Variants in COL5A1 observed in about 807,000 individuals in gnomAD.
COL5A1 encodes collagen type V alpha 1 chain.
In COL5A1, 16 loss-of-function variants were observed where a neutral mutation model predicts 263.7. The observed-to-expected ratio is 0.06, with a 90% CI of 0.04 to 0.09. The LOEUF (loss-of-function observed/expected upper bound fraction) is 0.09, where lower values mean the gene tolerates loss of function less well. Among genes scored for constraint, COL5A1 ranks in the 10% least tolerant of loss-of-function variants. COL5A1 has a pLI of 1.00. For synonymous variants in COL5A1, 1,012 were observed against 1,004.5 expected (o/e 1.01, Z -0.14); for missense variants, 2,036 against 2,540.5 (o/e 0.80, Z 4.27).
At chr9:134,708,651 C>G (rs371325625) in intron 4 of COL5A1, 1 of 518,630 alleles carries the variant, frequency 1.9e-6, no homozygotes, top group Non-Finnish European at 3.8e-6. Context: ...GGCAGAGGCC[C>G]CTTGTCGTGT....
chr9:134,670,956 G>A (rs1406228099), intron 1 of COL5A1, among the ~76,000 whole-genome samples: 3 of 152,204 alleles, frequency 2.0e-5, no homozygotes, highest in African/African-American at 4.8e-5. Flanking sequence ...CCACAAGGCC[G>A]GGAGGGAGCT....
chr9:134,760,500 GCA>G lies in COL5A1; in HGVS notation c.1936-1419_1936-1418del, dbSNP rs1232533716. 6.1e-3 allele frequency among the ~76,000 whole-genome samples: 375 copies of G among 61,400 alleles called. 6 individuals carry two copies. The highest frequency in any genetic ancestry group is 0.025 in the African/African-American group (361 of 14,712). 40.3% of individuals were successfully genotyped at this position (61,400 alleles called of 152,430 possible). ...ACACACATGCACACACACCACACAT[GCA>G]CACACGCATACACACCCACACACCC... is the stretch of plus-strand genomic sequence containing the variant. On this transcript the variant is annotated intron_variant, in intron 18 of 65. Coordinates refer to ENST00000371817, the MANE Select transcript of COL5A1 (RefSeq NM_000093.5).
Position 134,765,447 on chromosome 9 carries a change from C to T in COL5A1, c.2035-234C>T, listed in dbSNP as rs1836627145. ...CTGAGGGTGCCCTGTGGTGTCCTCTCTGAGTTCTCACCAATTCCAGACACC... is the reference window on the plus strand; with the variant it reads ...CTGAGGGTGCCCTGTGGTGTCCTCTTTGAGTTCTCACCAATTCCAGACACC... On this transcript the variant is annotated intron_variant, in intron 20 of 65. Transcript: ENST00000371817. This position sits in a 1 kb window ranked among gnomAD's most constrained non-coding sequence, Gnocchi z 5.1. Among the ~76,000 whole-genome samples, 1 of 152,112 alleles carries T rather than the reference C, an allele frequency of 6.6e-6. No individual in the cohort carries two copies. The highest frequency in any genetic ancestry group is 2.4e-5 in the African/African-American group (1 of 41,428).
rs1048841848 is a variant in COL5A1 at position 134,841,524 on chromosome 9, T to G, written c.5371-633T>G. Among the ~76,000 whole-genome samples, 1 of 152,130 alleles carries G rather than the reference T, an allele frequency of 6.6e-6. No individual in the cohort carries two copies. The highest frequency in any genetic ancestry group is 2.4e-5 in the African/African-American group (1 of 41,438). On this transcript the variant is annotated intron_variant, in intron 65 of 65. Coordinates refer to ENST00000371817, the MANE Select transcript of COL5A1 (RefSeq NM_000093.5). The surrounding 1 kb of genome is among the most constrained non-coding windows in gnomAD (Gnocchi z 4.8). ...CAGGCCAGGTTCATTGCACTACCCC[T>G]GCCCTCTGTGCCTCAGTTTACCTAA...
intron 34 of COL5A1, among the ~76,000 whole-genome samples, chr9:134,795,861 G>A (rs189003147): frequency 4.2e-4 from 64 of 152,302 alleles, no homozygotes; most frequent in Admixed American, 2.5e-3. Context: ...TTCCTGCTGG[G>A]ATGAGTCTTC....
At chr9:134,727,707 T>C (rs1206111602) in intron 5 of COL5A1, among the ~76,000 whole-genome samples, 1 of 152,198 alleles carries the variant, frequency 6.6e-6, no homozygotes, top group Non-Finnish European at 1.5e-5. Flanking sequence ...TGAGCACAGA[T>C]GCCACAGGTG....
intron 35 of COL5A1, 82 bp downstream of exon 35, chr9:134,796,500 T>G: frequency 6.9e-7 from 1 of 1,444,736 alleles, no homozygotes; most frequent in Non-Finnish European, 9.7e-7. Flanking sequence ...TGGGGTGGGC[T>G]GGGGCCAGGG....
intron 28 of COL5A1, 133 bp from the exon 29 acceptor site, chr9:134,782,534 C>A: frequency 1.2e-6 from 1 of 849,750 alleles, no homozygotes; most frequent in Non-Finnish European, 2.1e-6. Flanking sequence ...CAAGCCCACC[C>A]CGTCCGGGCC....
At chr9:134,713,678 G>T (rs1834148590) in intron 4 of COL5A1, among the ~76,000 whole-genome samples, 1 of 152,230 alleles carries the variant, frequency 6.6e-6, no homozygotes, top group South Asian at 2.1e-4. Flanking sequence ...AGGGGTTTGT[G>T]GGTGTCAAAC....
chr9:134,746,169 C>T (rs1357819765), intron 11 of COL5A1, among the ~76,000 whole-genome samples: 2 of 152,180 alleles, frequency 1.3e-5, no homozygotes, highest in Non-Finnish European at 2.9e-5. Context: ...AGGAGATGTC[C>T]AGCAGGAAGT....
chr9:134,712,245 CT>C (rs574601074), intron 4 of COL5A1, among the ~76,000 whole-genome samples: 88 of 30,852 alleles, frequency 2.9e-3, no homozygotes, highest in Admixed American at 0.011. Context: ...TATCCCCCTT[CT>C]TCCTTCCTCC....
At position 134,842,840 on chromosome 9, in the gene COL5A1, T is replaced by G. The variant is rs1830144936; in HGVS notation, c.*537T>G. On this transcript the variant is annotated 3_prime_UTR_variant, in exon 66 of 66. Transcript: ENST00000371817. This position sits in a 1 kb window ranked among gnomAD's most constrained non-coding sequence, Gnocchi z 5.8. ...GGCCAAATGTCATTCTGCAGGTGCC[T>G]TCCCGATGGATTAAAGGTGCTTATG... 5.9e-6 allele frequency: 1 copy of G among 170,450 alleles called. No individual in the cohort carries two copies. The highest frequency in any genetic ancestry group is 1.6e-4 in the South Asian group (1 of 6,442). The allele number at this position is 170,450 out of a possible 1,614,324, so 10.6% of individuals were successfully genotyped here.
At chr9:134,662,292 C>CCTGACT (rs1832233668) in intron 1 of COL5A1, among the ~76,000 whole-genome samples, 1 of 152,222 alleles carries the variant, frequency 6.6e-6, no homozygotes, top group Admixed American at 6.5e-5. Context: ...TTCCAGGCCG[C>CCTGACT]TCAGGGCAGC....
intron 49 of COL5A1, 37 bp from the exon 50 acceptor site, chr9:134,814,757 GGTT>G (rs1564477650): frequency 6.8e-7 from 1 of 1,480,720 alleles, no homozygotes; most frequent in Non-Finnish European, 9.2e-7. Flanking sequence ...GCGGCGACGT[GGTT>G]GGCTCTGAGG....
At position 134,700,082 on chromosome 9, in the gene COL5A1, G is replaced by C; in HGVS notation, c.451G>C (p.Asp151His). 1 of 1,611,206 alleles carries C rather than the reference G, an allele frequency of 6.2e-7. No individual in the cohort carries two copies. The part of the protein sequence containing the change: ...EDHTGKPGPE[D>H]YPLFRGINLS... ...CCACACGGGGAAGCCTGGCCCGGAA[G>C]ACTACCCCCTCTTCCGGGGCATCAA... Residue 151 changes from aspartate (D) to histidine (H), a missense_variant, in exon 3 of 66, where the codon GAC becomes CAC. Coordinates refer to ENST00000371817, the MANE Select transcript of COL5A1 (RefSeq NM_000093.5). This position sits in a 1 kb window ranked among gnomAD's most constrained non-coding sequence, Gnocchi z 4.0.
chr9:134,742,022 G>A lies in COL5A1; in HGVS notation c.1494+3214G>A, dbSNP rs373085422. On this transcript the variant is annotated intron_variant, in intron 11 of 65. Coordinates refer to ENST00000371817, the MANE Select transcript of COL5A1 (RefSeq NM_000093.5). The surrounding 1 kb of genome is among the most constrained non-coding windows in gnomAD (Gnocchi z 4.6). The stretch of plus-strand genomic sequence containing the variant: ...CAGCCGTGGCAATTGGCTGGGAGCC[G>A]TCTGTGCACCTGTGCCGTGGCATCC... Among the ~76,000 whole-genome samples the A allele has an allele frequency of 1.3e-5, 2 of 152,148 alleles. No homozygotes were observed. The highest frequency in any genetic ancestry group is 1.9e-4 in the East Asian group (1 of 5,144).
intron 4 of COL5A1, among the ~76,000 whole-genome samples, chr9:134,703,841 G>A (rs1406449998): frequency 3.3e-5 from 5 of 151,770 alleles, no homozygotes; most frequent in Non-Finnish European, 7.4e-5. Flanking sequence ...GGGTTTCACT[G>A]TGTTAGCCAG....
chr9:134,824,848 C>G lies in COL5A1; in HGVS notation c.4947C>G (p.Phe1649Leu). ...CKDLQLCHPD[F>L]PDGEYWVDPN... ...ACCTGCAGCTCTGCCACCCCGACTT[C>G]CCAGATGGTGAGGGCCTGGGGGGGC... The change falls in exon 62 of 66, where the codon TTC becomes TTG. Residue 1649 changes from phenylalanine to leucine, a missense_variant. By Grantham distance (22) the Phe-to-Leu change is conservative. Around this residue, in one of 3 missense-constraint regions of COL5A1, gnomAD observed 358 missense variants for 384.6 expected, o/e 0.93. Coordinates refer to ENST00000371817, the MANE Select transcript of COL5A1 (RefSeq NM_000093.5). The G allele has an allele frequency of 6.2e-7, 1 of 1,612,262 alleles. No individual in the cohort carries two copies. The highest frequency in any genetic ancestry group is 8.5e-7 in the Non-Finnish European group (1 of 1,179,590).
chr9:134,723,060 G>A (rs542472175), intron 4 of COL5A1, among the ~76,000 whole-genome samples: 30 of 152,190 alleles, frequency 2.0e-4, no homozygotes, highest in Non-Finnish European at 3.7e-4. Flanking sequence ...CCCCGTCCCC[G>A]TGCTCTGTCC....
Sources: gnomAD v4.1 joint callset for allele counts (sites outside exome capture counted in the v4.1 genomes callset) on GRCh38, gnomAD v4.1.1 for gene constraint, gnomAD v4.1.1 regional missense constraint, Gnocchi (gnomAD v3.1) non-coding constraint, MANE v1.5 for transcripts, NCBI Gene and HGNC (gene_info 2026-07-23, HGNC 2026-07-21) for gene names.